The following ULK1 variants were observed in gnomAD, a reference collection of about 807,000 sequenced individuals.
ULK1 encodes the protein unc-51 like autophagy activating kinase 1.
ULK1 carries 48 observed loss-of-function variants against 117.5 expected under a neutral mutation model. The observed-to-expected ratio is 0.41, with a 90% CI of 0.32 to 0.52. The LOEUF is 0.52. Ranked by LOEUF, ULK1 falls within the 20% of genes least tolerant of loss-of-function variation. The probability of loss-of-function intolerance (pLI) is 0.29; values close to 1 mark genes in which losing one functional copy is unlikely to be tolerated. For missense variants in ULK1, 1,387 were observed against 1,473.4 expected (o/e 0.94, Z 0.96); for synonymous variants, 790 against 637.8 (o/e 1.24, Z -3.60).
intron 20 of ULK1, 139 bp from the exon 21 acceptor site, chr12:131,916,814 G>A: frequency 2.1e-6 from 2 of 975,238 alleles, no homozygotes; most frequent in Non-Finnish European, 3.0e-6. Flanking sequence ...CCTGTAAGCT[G>A]GGGTGACAGG....
At chr12:131,920,365 C>T (rs1248118237) in intron 26 of ULK1, 10 of 536,672 alleles carry the variant, frequency 1.9e-5, no homozygotes, top group East Asian at 9.7e-5. Context: ...CATCCTGCCT[C>T]GCCCCGACTC....
rs372576017 is a variant in ULK1 at position 131,915,435 on chromosome 12, G to A, written c.1609+14G>A. 150 of 1,610,808 alleles carry A rather than the reference G, an allele frequency of 9.3e-5. No individual in the cohort carries two copies. The highest frequency in any genetic ancestry group is 1.2e-4 in the Non-Finnish European group (144 of 1,179,566). On this transcript the variant is annotated intron_variant, in intron 18 of 27. Coordinates refer to ENST00000321867, the MANE Select transcript of ULK1 (RefSeq NM_003565.4). ...CCCCTCGTCCAGGTGGGTGCAGTCC[G>A]GAGGGGGGAGGGGGTGCTAGGCTGA... is the stretch of plus-strand genomic sequence containing the variant.
In ULK1 at chr12:131,918,545, G is replaced by C; in HGVS notation, c.2375G>C (p.Gly792Ala). Residue 792 changes from glycine to alanine, a missense_variant, in exon 23 of 28, where the codon GGG becomes GCG. By Grantham distance (60) the Gly-to-Ala change is moderately conservative. Coordinates refer to ENST00000321867, the MANE Select transcript of ULK1 (RefSeq NM_003565.4). ...TCTTCTGCCCGCCACCTGGTGCCTG[G>C]GCCCTGCAGCGAGGCCCCAGCCCCT... The part of the protein sequence containing the change: ...ASSSARHLVP[G>A]PCSEAPAPEL... 1 of 1,611,008 alleles carries C rather than the reference G, an allele frequency of 6.2e-7. No individual in the cohort carries two copies. Among genetic ancestry groups the C allele is most frequent in the Non-Finnish European group, 8.5e-7 (1 of 1,179,246 alleles).
chr12:131,907,648 G>GA, intron 5 of ULK1, 117 bp downstream of exon 5: 1 of 1,291,008 alleles, frequency 7.7e-7, no homozygotes, highest in African/African-American at 1.5e-5. Flanking sequence ...GGCTCATTGT[G>GA]AGATTGGCTC....
At chr12:131,895,889 T>A in intron 3 of ULK1, 65 bp downstream of exon 3, 3 of 1,596,296 alleles carry the variant, frequency 1.9e-6, no homozygotes, top group East Asian at 4.5e-5. Flanking sequence ...AGGTGCTGGA[T>A]CCCCTGGTGA....
In ULK1 at chr12:131,895,053, C is replaced by T. The variant is rs776132522; in HGVS notation, c.52C>T (p.Arg18Cys). ...TETVGKFEFS[R>C]KDLIGHGAFA... ...GACCGTGGGCAAGTTCGAGTTCTCCCGCAAGGACCTGATCGGCCACGGCGC... is the reference window on the plus strand; with the variant it reads ...GACCGTGGGCAAGTTCGAGTTCTCCTGCAAGGACCTGATCGGCCACGGCGC... The change falls in exon 1 of 28, where the codon CGC becomes TGC. Residue 18 changes from arginine (R) to cysteine (C), a missense_variant. By Grantham distance (180) the Arg-to-Cys change is radical. This residue lies in a region of ULK1 where 224 missense variants were observed against 325.2 expected (regional missense o/e 0.69). Transcript: ENST00000321867. 3.2e-6 allele frequency: 5 copies of T among 1,585,260 alleles called. No homozygotes were observed. The highest frequency in any genetic ancestry group is 1.7e-5 in the Admixed American group (1 of 57,656).
chr12:131,916,993 G>A lies in ULK1; in HGVS notation c.2113G>A (p.Ala705Thr), dbSNP rs1462274856. ...CCGCCTCACTGACCTGCTCCTTAAG[G>A]CGGCGTTTGGGACACAAGCCCCGGA... The part of the protein sequence containing the change: ...TSRLTDLLLK[A>T]AFGTQAPDPG... Residue 705 changes from alanine to threonine, a missense_variant, in exon 21 of 28, where the codon GCG becomes ACG. Transcript: ENST00000321867. 1 of 1,611,644 alleles carries A rather than the reference G, an allele frequency of 6.2e-7. No homozygotes were observed. Among genetic ancestry groups the A allele is most frequent in the Non-Finnish European group, 8.5e-7 (1 of 1,179,686 alleles).
In ULK1 at chr12:131,917,313, TCGGAGGCC is replaced by T. The variant is rs1889889409; in HGVS notation, c.2183-97_2183-90del. The T allele has an allele frequency of 5.7e-6, 2 of 351,138 alleles. 1 individual carries two copies. The highest frequency in any genetic ancestry group is 7.2e-6 in the Non-Finnish European group (2 of 277,818). 21.8% of individuals were successfully genotyped at this position (351,138 alleles called of 1,614,324 possible). A position where few individuals can be genotyped will look rare whatever the true frequency, so the allele number is the denominator to read the frequency against. On this transcript the variant is annotated intron_variant, in intron 21 of 27. Coordinates refer to ENST00000321867, the MANE Select transcript of ULK1 (RefSeq NM_003565.4). ...CTGTGGGACGGGGGTTGGGGGGAGCTCGGAGGCCGTGGGATGGGGGTCGGGTTCGGCTC... is the reference window on the plus strand; with the variant it reads ...CTGTGGGACGGGGGTTGGGGGGAGCTGTGGGATGGGGGTCGGGTTCGGCTC...
At position 131,922,173 on chromosome 12, in the gene ULK1, T is replaced by C. The variant is rs1158635275; in HGVS notation, c.*812T>C. 4.6e-5 allele frequency: 17 copies of C among 366,784 alleles called. No individual in the cohort carries two copies. The East Asian group carries it at 1.3e-3, about 27-fold the overall frequency. 22.7% of individuals were successfully genotyped at this position (366,784 alleles called of 1,614,324 possible). A position where few individuals can be genotyped will look rare whatever the true frequency, so the allele number is the denominator to read the frequency against. ...CGTGTCTTATTTTTATGCAGCTCAT[T>C]TTTTCTTTAAAGGAGAAAACTTGTA... is the stretch of plus-strand genomic sequence containing the variant. On this transcript the variant is annotated 3_prime_UTR_variant, in exon 28 of 28. Transcript: ENST00000321867.
At chr12:131,910,054 T>C (rs1169492668) in intron 10 of ULK1, 53 bp downstream of exon 10, 1 of 1,601,720 alleles carries the variant, frequency 6.2e-7, no homozygotes, top group African/African-American at 1.3e-5. Context: ...TTCCTTGCAT[T>C]TGCTGATGTG....
In ULK1 at chr12:131,913,185, T is replaced by C; in HGVS notation, c.1097-13T>C. 1 of 1,567,002 alleles carries C rather than the reference T, an allele frequency of 6.4e-7. No individual in the cohort carries two copies. The highest frequency in any genetic ancestry group is 8.6e-7 in the Non-Finnish European group (1 of 1,162,110). On this transcript the variant is annotated splice_polypyrimidine_tract_variant and intron_variant, in intron 13 of 27. Transcript: ENST00000321867. Reference sequence around the variant, plus strand: ...GGCAAGGACTCCAGGCCCAGCCTTGTCTCCCCCTGCAGGTGACCTGGTGGC... The same window carrying C: ...GGCAAGGACTCCAGGCCCAGCCTTGCCTCCCCCTGCAGGTGACCTGGTGGC...
chr12:131,916,702 C>G, intron 20 of ULK1, 111 bp downstream of exon 20: 2 of 1,334,694 alleles, frequency 1.5e-6, no homozygotes, highest in South Asian at 3.1e-5. Context: ...CAGCCTTGCC[C>G]TTCTGTGGGT....
At chr12:131,920,500 G>A (rs114745624) in intron 26 of ULK1, 239 of 267,314 alleles carry the variant, frequency 8.9e-4, no homozygotes, top group African/African-American at 4.9e-3. Context: ...GTGGTACCAC[G>A]GGCAAAGACT....
intron 11 of ULK1, 96 bp downstream of exon 11, chr12:131,910,400 C>T: frequency 6.4e-7 from 1 of 1,552,706 alleles, no homozygotes. Flanking sequence ...GCAGAGGGAG[C>T]AGGTCTTGAG....
intron 5 of ULK1, 86 bp downstream of exon 5, chr12:131,907,617 G>A: frequency 6.6e-7 from 1 of 1,511,758 alleles, no homozygotes; most frequent in Non-Finnish European, 8.9e-7. Context: ...CTGGGAGGCA[G>A]CCTGGCTCGA....
At chr12:131,920,517 T>C in intron 26 of ULK1, 1 of 253,658 alleles carries the variant, frequency 3.9e-6, no homozygotes, top group South Asian at 5.6e-5. Context: ...GACTCCCTGC[T>C]TGGGCTCTGA....
rs973258257 is a variant in ULK1, at chr12:131,912,734, G to A, written c.1097-464G>A. On this transcript the variant is annotated intron_variant, in intron 13 of 27. Coordinates refer to ENST00000321867, the MANE Select transcript of ULK1 (RefSeq NM_003565.4). ...CCGAGCCAAGCCCCAGACAGACCCG[G>A]GGAGGGCCTTGGTCCTTTGCCAGCT... is the stretch of plus-strand genomic sequence containing the variant. Among the ~76,000 whole-genome samples, 6 of 152,360 alleles carry A rather than the reference G, an allele frequency of 3.9e-5. No homozygotes were observed. In the East Asian group the frequency reaches 7.7e-4, roughly 20 times the overall value.
At position 131,902,602 on chromosome 12, in the gene ULK1, C is replaced by G. The variant is rs1889131247; in HGVS notation, c.247-4290C>G. Among the ~76,000 whole-genome samples the G allele has an allele frequency of 6.6e-6, 1 of 152,150 alleles. No individual in the cohort carries two copies. Among genetic ancestry groups the G allele is most frequent in the East Asian group, 1.9e-4 (1 of 5,186 alleles). On this transcript the variant is annotated intron_variant, in intron 3 of 27. Transcript: ENST00000321867. The surrounding 1 kb of genome is among the most constrained non-coding windows in gnomAD (Gnocchi z 6.3). Reference sequence around the variant, plus strand: ...TGAGCCTCAGATGCATGTGTTGGGACTTTTCAGGGACAGCCCTGTGGAATG... The same window carrying G: ...TGAGCCTCAGATGCATGTGTTGGGAGTTTTCAGGGACAGCCCTGTGGAATG...
chr12:131,909,893 C>G, intron 9 of ULK1, 26 bp from the exon 10 acceptor site: 1 of 1,611,310 alleles, frequency 6.2e-7, no homozygotes, highest in Non-Finnish European at 8.5e-7. Flanking sequence ...GCAGGCCCTG[C>G]TCACACCAGC....
Sources: allele counts gnomAD v4.1 joint callset (sites outside exome capture counted in the v4.1 genomes callset), GRCh38; gene constraint gnomAD v4.1.1; regional missense constraint gnomAD v4.1.1; non-coding constraint Gnocchi (gnomAD v3.1); transcripts MANE v1.5; gene names NCBI Gene and HGNC (gene_info 2026-07-23, HGNC 2026-07-21).